Variants in GPR137B observed in about 807,000 individuals in gnomAD.
GPR137B encodes integral membrane protein GPR137B.
Under a neutral mutation model 42.5 loss-of-function variants are expected in GPR137B, and 42 were observed. The observed-to-expected ratio is 0.99, with a 90% CI of 0.77 to 1.28. The LOEUF is 1.28. Ranked by LOEUF, GPR137B falls within the 50% of genes most tolerant of loss-of-function variation. GPR137B has a pLI of 0.00. For synonymous variants in GPR137B, 218 were observed against 209.7 expected, an observed-to-expected ratio of 1.04 and a Z score of -0.34; for missense variants, 487 against 493.9, an observed-to-expected ratio of 0.99 and a Z score of 0.13.
intron 1 of GPR137B, among the ~76,000 whole-genome samples, 164 bp from the exon 2 acceptor site, chr1:236,168,542 G>A (rs1662432254): frequency 6.6e-6 from 1 of 151,696 alleles, no homozygotes; most frequent in South Asian, 2.1e-4. Flanking sequence ...AAAACTGTAT[G>A]TGCAACATAA....
chr1:236,205,384 A>G (rs1305338064), intron 6 of GPR137B, 134 bp downstream of exon 6: 3 of 693,374 alleles, frequency 4.3e-6, no homozygotes, highest in African/African-American at 3.5e-5. Flanking sequence ...GATTCTCAGT[A>G]GATCATTTTA....
At chr1:236,164,428 C>T (rs1243868197) in intron 1 of GPR137B, among the ~76,000 whole-genome samples, 2 of 152,218 alleles carry the variant, frequency 1.3e-5, no homozygotes, top group East Asian at 3.9e-4. Flanking sequence ...CGTCTGCCTC[C>T]CCACAGGAGC....
In GPR137B at chr1:236,155,917, C is replaced by T. The variant is rs949477875; in HGVS notation, c.415-12789C>T. On this transcript the variant is annotated intron_variant, in intron 1 of 6. Transcript: ENST00000366592. This position sits in a 1 kb window ranked among gnomAD's most constrained non-coding sequence, Gnocchi z 4.6. The stretch of plus-strand genomic sequence containing the variant: ...TCCTGGGTGGGAGCTGAGCTCCTGC[C>T]TTGTGGGGTGCACATGCACAAACAT... Among the ~76,000 whole-genome samples, 1 of 152,248 alleles carries T rather than the reference C, an allele frequency of 6.6e-6. No individual in the cohort carries two copies.
chr1:236,202,421 GTC>G (rs909141370), intron 5 of GPR137B, among the ~76,000 whole-genome samples: 1 of 152,128 alleles, frequency 6.6e-6, no homozygotes, highest in South Asian at 2.1e-4. Flanking sequence ...TTTTTCACCT[GTC>G]TCTCAGAATT....
intron 5 of GPR137B, among the ~76,000 whole-genome samples, chr1:236,192,389 AC>A (rs1341062764): frequency 2.0e-5 from 3 of 151,516 alleles, no homozygotes; most frequent in African/African-American, 7.3e-5. Flanking sequence ...AAAAAAAAAA[AC>A]AAAAAACCTC....
chr1:236,142,954 C>A lies in GPR137B; in HGVS notation c.332C>A (p.Pro111His), dbSNP rs766551854. The change falls in exon 1 of 7, where the codon CCC becomes CAC. Residue 111 changes from proline (P) to histidine (H), a missense_variant. Transcript: ENST00000366592. ...TTCGTGGCGGCCAATTCGCTCAGCC[C>A]CTTCGTCTTCTGGCTGCTCTACTGC... ...KDFVAANSLS[P>H]FVFWLLYCFP... is the part of the protein sequence containing the mutation. 4.0e-5 allele frequency: 65 copies of A among 1,614,020 alleles called. No homozygotes were observed.
intron 5 of GPR137B, among the ~76,000 whole-genome samples, chr1:236,201,693 T>C (rs537255872): frequency 6.6e-6 from 1 of 152,210 alleles, no homozygotes; most frequent in East Asian, 1.9e-4. Flanking sequence ...TTAAGTTGGT[T>C]TTCACCTTTC....
At chr1:236,163,196 C>A (rs866324947) in intron 1 of GPR137B, among the ~76,000 whole-genome samples, 1 of 152,326 alleles carries the variant, frequency 6.6e-6, no homozygotes, top group South Asian at 2.1e-4. Flanking sequence ...TTCAGACTTG[C>A]ATGGGCCCTG....
Position 236,155,269 on chromosome 1 carries a change from C to A in GPR137B, c.414+12233C>A, listed in dbSNP as rs1558480000. Among the ~76,000 whole-genome samples, 1 of 152,204 alleles carries A rather than the reference C, an allele frequency of 6.6e-6. No individual in the cohort carries two copies. The highest frequency in any genetic ancestry group is 1.5e-5 in the Non-Finnish European group (1 of 68,038). On this transcript the variant is annotated intron_variant, in intron 1 of 6. Transcript: ENST00000366592. The surrounding 1 kb of genome is among the most constrained non-coding windows in gnomAD (Gnocchi z 4.6). ...ACGGGCTGTCCCTGGGAAGGAACTTCAAGTCATGGAGCTGTCAAAGTAGAA... is the reference window on the plus strand; with the variant it reads ...ACGGGCTGTCCCTGGGAAGGAACTTAAAGTCATGGAGCTGTCAAAGTAGAA...
intron 5 of GPR137B, among the ~76,000 whole-genome samples, chr1:236,192,105 G>A (rs1572002120): frequency 6.6e-6 from 1 of 152,168 alleles, no homozygotes. Context: ...ACTTCCCAGC[G>A]GCTTTGTTTA....
chr1:236,197,705 G>A (rs935745554), intron 5 of GPR137B, among the ~76,000 whole-genome samples: 2 of 151,996 alleles, frequency 1.3e-5, no homozygotes, highest in Non-Finnish European at 2.9e-5. Flanking sequence ...TACATATTTG[G>A]CCTTATTTCT....
At chr1:236,176,531 C>T (rs557264523) in intron 2 of GPR137B, among the ~76,000 whole-genome samples, 2 of 152,264 alleles carry the variant, frequency 1.3e-5, no homozygotes, top group South Asian at 2.1e-4. Flanking sequence ...TCTCTCAGCA[C>T]GAGCCTGATG....
intron 1 of GPR137B, among the ~76,000 whole-genome samples, chr1:236,162,705 C>G (rs6428947): frequency 0.22 from 32,975 of 152,190 alleles, 4,088 homozygotes; most frequent in East Asian, 0.53. Context: ...TTGGCAGCTT[C>G]CATGTGTTAT....
At chr1:236,163,481 G>A (rs374956882) in intron 1 of GPR137B, among the ~76,000 whole-genome samples, 6 of 152,160 alleles carry the variant, frequency 3.9e-5, no homozygotes, top group African/African-American at 1.2e-4. Context: ...GAATGATATG[G>A]TTTGGCTGTG....
At chr1:236,179,422 C>T (rs146108341) in intron 3 of GPR137B, among the ~76,000 whole-genome samples, 80 of 152,204 alleles carry the variant, frequency 5.3e-4, no homozygotes, top group African/African-American at 1.7e-3. Flanking sequence ...CCTGTATTCC[C>T]GGCCTCAAAG....
In GPR137B at chr1:236,142,605, C is replaced by T. The variant is rs1444451079; in HGVS notation, c.-18C>T. On this transcript the variant is annotated 5_prime_UTR_variant, in exon 1 of 7. Coordinates refer to ENST00000366592, the MANE Select transcript of GPR137B (RefSeq NM_003272.4). ...TGCGCGGAGACCCCCGCGGGGGCGG[C>T]GGCGGCCGTGAGCCCCGATGAGGCC... The T allele has an allele frequency of 7.0e-6, 9 of 1,289,086 alleles. No homozygotes were observed. Among genetic ancestry groups the T allele is most frequent in the Non-Finnish European group, 8.8e-6 (9 of 1,023,768 alleles). 79.9% of individuals were successfully genotyped at this position (1,289,086 alleles called of 1,614,324 possible). A position where few individuals can be genotyped will look rare whatever the true frequency, so the allele number is the denominator to read the frequency against.
chr1:236,161,933 TG>T (rs1158983992), intron 1 of GPR137B, among the ~76,000 whole-genome samples: 2 of 151,758 alleles, frequency 1.3e-5, no homozygotes, highest in Non-Finnish European at 2.9e-5. Flanking sequence ...GTACCAGGAG[TG>T]GGGTGTTGCT....
At chr1:236,165,160 C>T (rs1201145895) in intron 1 of GPR137B, among the ~76,000 whole-genome samples, 1 of 152,214 alleles carries the variant, frequency 6.6e-6, no homozygotes, top group Non-Finnish European at 1.5e-5. Context: ...CTGCCTCAGC[C>T]TCTGAAAGTG....
intron 5 of GPR137B, among the ~76,000 whole-genome samples, chr1:236,192,189 C>T (rs191043922): frequency 6.6e-6 from 1 of 152,132 alleles, no homozygotes; most frequent in Non-Finnish European, 1.5e-5. Context: ...GCTTGAGTGT[C>T]CCAGGTCGAC....
Sources: gnomAD v4.1 joint callset for allele counts (sites outside exome capture counted in the v4.1 genomes callset) on GRCh38, gnomAD v4.1.1 for gene constraint, Gnocchi (gnomAD v3.1) non-coding constraint, MANE v1.5 for transcripts, NCBI Gene and HGNC (gene_info 2026-07-23, HGNC 2026-07-21) for gene names.